The following NCBP2L variants were observed in gnomAD, a reference collection of about 807,000 sequenced individuals.
NCBP2L encodes the protein nuclear cap binding protein subunit 2 like, also known as nuclear cap-binding protein subunit 2-like.
For missense variants in NCBP2L, 95 were observed against 53.1 expected (o/e 1.79, Z -2.45); for synonymous variants, 39 against 19.2 (o/e 2.04, Z -2.70).
intron 1 of NCBP2L, among the ~76,000 whole-genome samples, chrX:107,783,855 CGTATGT>C (rs1287532779): frequency 8.8e-5 from 7 of 79,862 alleles, no homozygotes; most frequent in African/African-American, 4.9e-4. Context: ...GTCTGGTGTG[CGTATGT>C]GTGTGTGTGT....
At chrX:107,789,174 CTTTTTTTTTTTTT>C (rs760912732) in intron 1 of NCBP2L, among the ~76,000 whole-genome samples, 3 of 67,055 alleles carry the variant, frequency 4.5e-5, no homozygotes, top group African/African-American at 6.3e-5. Context: ...GTCCTAACCT[CTTTTTTTTTTTTT>C]TTTTTTTTTT....
intron 1 of NCBP2L, among the ~76,000 whole-genome samples, chrX:107,781,028 G>A (rs1930258615): frequency 9.1e-6 from 1 of 110,486 alleles, no homozygotes; most frequent in Non-Finnish European, 1.9e-5. Context: ...CTGGGCTCCA[G>A]GGGTCCTCCT....
chrX:107,794,630 G>A lies in NCBP2L; in HGVS notation c.410G>A (p.Arg137His), dbSNP rs376159152. 3.9e-5 allele frequency: 22 copies of A among 567,476 alleles called. No individual in the cohort carries two copies. The highest frequency in any genetic ancestry group is 2.2e-4 in the South Asian group (10 of 44,714). 46.8% of individuals were successfully genotyped at this position (567,476 alleles called of 1,213,427 possible). A position where few individuals can be genotyped will look rare whatever the true frequency, so the allele number is the denominator to read the frequency against. ...GGGGGTCAGGTAAGGGATGAGTTTC[G>A]TGAAGATTTTCATTCTGGTAGAGGA... ...KSGGQVRDEF[R>H]EDFHSGRGGF... The change falls in exon 2 of 2, where the codon CGT becomes CAT. Residue 137 changes from arginine (R) to histidine (H), a missense_variant. Arg to His is a conservative substitution (Grantham distance 29). Transcript: ENST00000509000.
At chrX:107,786,661 TTACA>T (rs2147807440) in intron 1 of NCBP2L, among the ~76,000 whole-genome samples, 1 of 111,448 alleles carries the variant, frequency 9.0e-6, no homozygotes, top group East Asian at 2.8e-4. Context: ...GTTAGGCAGT[TTACA>T]TACCTTCCCC....
intron 1 of NCBP2L, among the ~76,000 whole-genome samples, chrX:107,785,072 A>C (rs2147807117): frequency 9.1e-6 from 1 of 110,199 alleles, no homozygotes; most frequent in African/African-American, 3.3e-5. Context: ...AAAGGAAGGA[A>C]GGAAGGAGAA....
intron 1 of NCBP2L, 123 bp downstream of exon 1, chrX:107,777,981 A>T (rs920731990): frequency 1.9e-5 from 2 of 106,486 alleles, no homozygotes; most frequent in Non-Finnish European, 3.8e-5. Context: ...AACCCTTTAG[A>T]TGTATTAATT....
chrX:107,792,488 G>A (rs1930466397), intron 1 of NCBP2L, among the ~76,000 whole-genome samples: 1 of 111,923 alleles, frequency 8.9e-6, no homozygotes. Context: ...TTGGCCAGTG[G>A]GCTTCCTACT....
At chrX:107,791,497 C>T (rs1165740045) in intron 1 of NCBP2L, among the ~76,000 whole-genome samples, 2 of 112,339 alleles carry the variant, frequency 1.8e-5, no homozygotes, top group South Asian at 3.7e-4. Context: ...CCACCTGCCT[C>T]GGCCTCCCAA....
chrX:107,790,548 C>T (rs946838895), intron 1 of NCBP2L, among the ~76,000 whole-genome samples: 2 of 111,210 alleles, frequency 1.8e-5, no homozygotes, highest in African/African-American at 6.6e-5. Flanking sequence ...TCCTTATTTT[C>T]TTTGCCCAAA....
chrX:107,781,692 C>CTATATATA (rs1212780432), intron 1 of NCBP2L, among the ~76,000 whole-genome samples: 2 of 66,915 alleles, frequency 3.0e-5, no homozygotes, highest in Non-Finnish European at 5.0e-5. Flanking sequence ...CTCTCTCTCT[C>CTATATATA]TATATATATA....
chrX:107,781,744 ATCTATATATAGATCTATAGATATC>A (rs1235192639), intron 1 of NCBP2L, among the ~76,000 whole-genome samples: 7 of 89,496 alleles, frequency 7.8e-5, no homozygotes, highest in Non-Finnish European at 1.6e-4. Context: ...ATATATAGAT[ATCTATATATAGATCTATAGATATC>A]TATATATATA....
intron 1 of NCBP2L, among the ~76,000 whole-genome samples, chrX:107,781,128 G>T (rs1370911255): frequency 9.0e-6 from 1 of 110,762 alleles, no homozygotes; most frequent in African/African-American, 3.3e-5. Flanking sequence ...ATTTTGCCCA[G>T]GCTGGTCTCA....
intron 1 of NCBP2L, among the ~76,000 whole-genome samples, chrX:107,792,195 C>A (rs999483214): frequency 8.9e-6 from 1 of 111,869 alleles, no homozygotes; most frequent in South Asian, 3.7e-4. Flanking sequence ...TAGTTATAGG[C>A]TCATCTCAAC....
intron 1 of NCBP2L, among the ~76,000 whole-genome samples, chrX:107,782,365 ATAAAT>A (rs1930334508): frequency 2.2e-5 from 1 of 44,935 alleles, no homozygotes; most frequent in Non-Finnish European, 3.1e-5. Context: ...ATATATATAT[ATAAAT>A]ATATATATAT....
intron 1 of NCBP2L, among the ~76,000 whole-genome samples, chrX:107,785,522 TC>T (rs1930386134): frequency 9.0e-6 from 1 of 111,302 alleles, no homozygotes; most frequent in Non-Finnish European, 1.9e-5. Flanking sequence ...AACCCAGAGT[TC>T]CCCCAGATAC....
In NCBP2L at chrX:107,793,402, G is replaced by A. The variant is rs190684316; in HGVS notation, c.-72-747G>A. On this transcript the variant is annotated intron_variant, in intron 1 of 1. Coordinates refer to ENST00000509000, the MANE Select transcript of NCBP2L (RefSeq NM_001348372.2). ...GGAGACCCAGTGCCTCCCTATATAT[G>A]CCTCCCTATAATAACATTGAAAAGT... 2.5e-3 allele frequency among the ~76,000 whole-genome samples: 277 copies of A among 111,389 alleles called. 3 individuals are homozygous for A. Among genetic ancestry groups the A allele is most frequent in the Non-Finnish European group, 2.3e-3 (121 of 53,062 alleles).
intron 1 of NCBP2L, among the ~76,000 whole-genome samples, chrX:107,788,229 A>T (rs747074535): frequency 3.2e-4 from 36 of 111,557 alleles, no homozygotes; most frequent in African/African-American, 7.2e-4. Flanking sequence ...ACCTTTGGGG[A>T]TGTTAACCTT....
chrX:107,792,660 A>G (rs1930468380), intron 1 of NCBP2L, among the ~76,000 whole-genome samples: 1 of 111,035 alleles, frequency 9.0e-6, no homozygotes, highest in Non-Finnish European at 1.9e-5. Context: ...TGCCTGGTTC[A>G]TTCCCTAAAC....
chrX:107,790,627 T>C (rs1930439707), intron 1 of NCBP2L, among the ~76,000 whole-genome samples: 1 of 111,701 alleles, frequency 9.0e-6, no homozygotes, highest in Admixed American at 9.6e-5. Flanking sequence ...CTGCCTAGAA[T>C]GACCCCTTGG....
Sources: allele counts gnomAD v4.1 joint callset (sites outside exome capture counted in the v4.1 genomes callset), GRCh38; gene constraint gnomAD v4.1.1; transcripts MANE v1.5; gene names NCBI Gene and HGNC (gene_info 2026-07-23, HGNC 2026-07-21).